The following TCF7L2 variants were observed in gnomAD, a reference collection of about 807,000 sequenced individuals.
TCF7L2 encodes transcription factor 7 like 2, also known as transcription factor 7-like 2.
TCF7L2 carries 23 observed loss-of-function variants against 77.9 expected under a neutral mutation model. That is an observed-to-expected ratio of 0.30 (90% CI 0.21 to 0.42). The LOEUF (loss-of-function observed/expected upper bound fraction) is 0.42, where lower values mean the gene tolerates loss of function less well. Ranked by LOEUF, TCF7L2 falls within the 10% of genes least tolerant of loss-of-function variation. The probability of loss-of-function intolerance (pLI) is 1.00; values close to 1 mark genes in which losing one functional copy is unlikely to be tolerated. For missense variants in TCF7L2, 654 were observed against 793.1 expected, an observed-to-expected ratio of 0.82 and a Z score of 2.11; for synonymous variants, 413 against 340.2, an observed-to-expected ratio of 1.21 and a Z score of -2.36.
Position 113,160,642 on chromosome 10 carries a change from C to T in TCF7L2, c.1342C>T (p.Arg448Trp), listed in dbSNP as rs1422891742. ...AGATGCAAATACTCCAAAGAAGTGT[C>T]GGGCACTGTTCGGGCTTGACCGACA... The change falls in exon 13 of 14, where the codon CGG becomes TGG. Residue 448 changes from arginine to tryptophan, a missense_variant. By Grantham distance (101) the Arg-to-Trp change is moderately radical (BLOSUM62 -3). Transcript: ENST00000627217. The T allele has an allele frequency of 6.3e-6, 10 of 1,597,444 alleles. No homozygotes were observed. The highest frequency in any genetic ancestry group is 7.7e-6 in the Non-Finnish European group (9 of 1,171,646).
At chr10:112,973,531 A>G (rs1589854691) in intron 4 of TCF7L2, among the ~76,000 whole-genome samples, 1 of 152,158 alleles carries the variant, frequency 6.6e-6, no homozygotes, top group East Asian at 1.9e-4. Context: ...GATGATTCTA[A>G]TGCACACAGT....
chr10:113,045,642 A>G (rs1033267735), intron 5 of TCF7L2, among the ~76,000 whole-genome samples: 16 of 152,060 alleles, frequency 1.1e-4, no homozygotes, highest in African/African-American at 3.9e-4. Flanking sequence ...GCTCATTGAC[A>G]TATGGTGGGG....
At chr10:113,011,607 T>A (rs1354416225) in intron 4 of TCF7L2, among the ~76,000 whole-genome samples, 1 of 151,594 alleles carries the variant, frequency 6.6e-6, no homozygotes, top group Non-Finnish European at 1.5e-5. Context: ...AGTATTACTG[T>A]CGAATTTTAC....
intron 12 of TCF7L2, 48 bp downstream of exon 13, chr10:113,158,765 T>A: frequency 1.3e-6 from 2 of 1,571,690 alleles, no homozygotes; most frequent in African/African-American, 1.4e-5. Context: ...AACTGTTTTT[T>A]AATTTTTCTT....
intron 5 of TCF7L2, among the ~76,000 whole-genome samples, chr10:113,106,021 A>T (rs1470605727): frequency 3.9e-5 from 6 of 152,316 alleles, no homozygotes; most frequent in African/African-American, 1.4e-4. Context: ...CAGTAAGTGG[A>T]ATGTTACCTA....
At position 112,959,997 on chromosome 10, in the gene TCF7L2, A is replaced by G. The variant is rs924740953; in HGVS notation, c.382-4559A>G. ...GAAATGATCTGTTTTTTTTTTTAAT[A>G]TAGATAAGAGAAAGCCAGGTGATTC... On this transcript the variant is annotated intron_variant, in intron 3 of 13. Coordinates refer to ENST00000627217, the MANE Select transcript of TCF7L2 (RefSeq NM_001146274.2). 5.3e-5 allele frequency among the ~76,000 whole-genome samples: 8 copies of G among 151,772 alleles called. 1 individual carries two copies. The highest frequency in any genetic ancestry group is 4.6e-4 in the Admixed American group (7 of 15,246).
chr10:113,108,306 C>T (rs1217516742), intron 5 of TCF7L2, among the ~76,000 whole-genome samples: 1 of 152,146 alleles, frequency 6.6e-6, no homozygotes, highest in Non-Finnish European at 1.5e-5. Flanking sequence ...TGGGGAATCG[C>T]TTTTGTCCCT....
intron 3 of TCF7L2, among the ~76,000 whole-genome samples, chr10:112,958,934 T>C (rs2034382366): frequency 6.6e-6 from 1 of 152,170 alleles, no homozygotes; most frequent in Non-Finnish European, 1.5e-5. Context: ...AGTTTTAGTG[T>C]AGCAACTTTT....
chr10:112,994,693 C>T (rs936885203), intron 4 of TCF7L2, among the ~76,000 whole-genome samples: 1 of 152,066 alleles, frequency 6.6e-6, no homozygotes, highest in African/African-American at 2.4e-5. Flanking sequence ...TTTTGATTGC[C>T]AGAAACAATA....
intron 5 of TCF7L2, among the ~76,000 whole-genome samples, chr10:113,073,567 C>T (rs2058342389): frequency 6.7e-6 from 1 of 148,752 alleles, no homozygotes; most frequent in Admixed American, 6.7e-5. Context: ...TGGTGTGCTC[C>T]TATAGCTCCA....
At chr10:113,111,202 T>G (rs753233151) in intron 5 of TCF7L2, among the ~76,000 whole-genome samples, 1 of 152,200 alleles carries the variant, frequency 6.6e-6, no homozygotes. Context: ...TAACTGACTT[T>G]GAGGAAATTA....
chr10:113,105,937 C>G (rs2062245445), intron 5 of TCF7L2, among the ~76,000 whole-genome samples: 1 of 151,958 alleles, frequency 6.6e-6, no homozygotes, highest in African/African-American at 2.4e-5. Flanking sequence ...TAAAACAAAA[C>G]AAAACAAAAA....
intron 4 of TCF7L2, among the ~76,000 whole-genome samples, chr10:112,970,121 G>C (rs748491083): frequency 6.6e-6 from 1 of 152,168 alleles, no homozygotes; most frequent in Admixed American, 6.5e-5. Context: ...AAAACAAACT[G>C]TGTAAACCTT....
intron 5 of TCF7L2, among the ~76,000 whole-genome samples, chr10:113,059,423 A>G (rs144346697): frequency 2.6e-5 from 4 of 151,820 alleles, no homozygotes; most frequent in African/African-American, 9.7e-5. Context: ...AAAGTGTTCC[A>G]AGAAGGAATT....
intron 13 of TCF7L2, among the ~76,000 whole-genome samples, chr10:113,165,065 TCA>T (rs1564992909): frequency 1.3e-5 from 2 of 152,100 alleles, no homozygotes; most frequent in Admixed American, 6.5e-5. Context: ...ACACTCACAC[TCA>T]CACACTCACA....
intron 5 of TCF7L2, among the ~76,000 whole-genome samples, chr10:113,131,017 C>T (rs1226328344): frequency 1.3e-5 from 2 of 152,230 alleles, no homozygotes; most frequent in African/African-American, 2.4e-5. Flanking sequence ...CCGCCCGTCT[C>T]GGTCTCCCAA....
intron 5 of TCF7L2, among the ~76,000 whole-genome samples, chr10:113,090,806 C>A (rs1200782152): frequency 6.6e-6 from 1 of 151,758 alleles, no homozygotes; most frequent in Non-Finnish European, 1.5e-5. Context: ...GACAGGGTTT[C>A]ACCCTGTTAG....
intron 5 of TCF7L2, among the ~76,000 whole-genome samples, chr10:113,117,594 A>G (rs1006163689): frequency 7.9e-5 from 12 of 152,226 alleles, no homozygotes; most frequent in Admixed American, 2.6e-4. Flanking sequence ...TCCCTATTTA[A>G]GGAAAAAAAG....
At chr10:112,953,740 G>A (rs1210375583) in intron 3 of TCF7L2, among the ~76,000 whole-genome samples, 2 of 152,154 alleles carry the variant, frequency 1.3e-5, no homozygotes, top group Non-Finnish European at 2.9e-5. Flanking sequence ...ATGATTTCCC[G>A]GTGAGAAAAG....
Sources: allele counts gnomAD v4.1 joint callset (sites outside exome capture counted in the v4.1 genomes callset), GRCh38; gene constraint gnomAD v4.1.1; transcripts MANE v1.5; gene names NCBI Gene and HGNC (gene_info 2026-07-23, HGNC 2026-07-21).